PI4KB: variants seen among roughly 807,000 people sequenced by gnomAD.
PI4KB encodes PtdIns 4-kinase beta.
Under a neutral mutation model 81.4 loss-of-function variants are expected in PI4KB, and 23 were observed. The ratio of observed to expected loss-of-function variants is 0.28; its 90% CI spans 0.20 to 0.40. The LOEUF is 0.40. PI4KB is among the 10% of genes least tolerant of loss of function. The pLI, the probability that PI4KB is intolerant of heterozygous loss-of-function variation, is 1.00. For missense variants in PI4KB, 651 were observed against 1,036.6 expected (o/e 0.63, Z 5.11); for synonymous variants, 381 against 406.8 (o/e 0.94, Z 0.76).
At chr1:151,320,041 T>C (rs1648613664) in intron 1 of PI4KB, among the ~76,000 whole-genome samples, 2 of 152,214 alleles carry the variant, frequency 1.3e-5, no homozygotes, top group African/African-American at 4.8e-5. Flanking sequence ...GGTTACTTTT[T>C]TTTTCTTTTT....
chr1:151,323,444 T>C (rs1649139317), intron 1 of PI4KB, among the ~76,000 whole-genome samples: 1 of 148,358 alleles, frequency 6.7e-6, no homozygotes, highest in Admixed American at 6.7e-5. Flanking sequence ...GAGGCGCAGG[T>C]TGCCGTGAGC....
At chr1:151,319,654 T>G (rs1330278165) in intron 1 of PI4KB, among the ~76,000 whole-genome samples, 2 of 152,208 alleles carry the variant, frequency 1.3e-5, no homozygotes, top group Non-Finnish European at 2.9e-5. Flanking sequence ...CCAAAGCCAC[T>G]GCTCTCCAAG....
chr1:151,315,663 C>T lies in PI4KB; in HGVS notation c.819G>A (p.Gln273=). 1 of 1,614,154 alleles carries T rather than the reference C, an allele frequency of 6.2e-7. No homozygotes were observed. The highest frequency in any genetic ancestry group is 8.5e-7 in the Non-Finnish European group (1 of 1,180,014). ...TGLSPSKRTH[Q]RSKSDATASI... ...TGGCAGTGGCATCTGACTTAGAGCG[C>T]TGGTGAGTCCTTTTGGAGGGAGACA... is the stretch of plus-strand genomic sequence containing the variant. Residue 273 remains glutamine, a synonymous_variant, in exon 2 of 12, where the codon CAG becomes CAA. Transcript: ENST00000368873.
At chr1:151,293,790 A>G (rs1694541316) in intron 11 of PI4KB, 1 of 502,692 alleles carries the variant, frequency 2.0e-6, no homozygotes, top group East Asian at 3.8e-5. Flanking sequence ...TAAAGATGCC[A>G]AGGAGGCAGG....
At chr1:151,302,041 A>G (rs1695328864) in intron 7 of PI4KB, 74 bp from the exon 8 acceptor site, 3 of 1,600,514 alleles carry the variant, frequency 1.9e-6, no homozygotes, top group African/African-American at 2.7e-5. Context: ...TCCACAAAAA[A>G]TCCCAAGCAA....
At chr1:151,301,783 C>T (rs587657455) in intron 8 of PI4KB, 61 bp downstream of exon 8, 25 of 1,517,744 alleles carry the variant, frequency 1.6e-5, no homozygotes, top group South Asian at 1.1e-4. Flanking sequence ...CCACCCGCCT[C>T]GGCCTCCCAG....
At chr1:151,317,079 C>T (rs1648075208) in intron 1 of PI4KB, among the ~76,000 whole-genome samples, 1 of 152,100 alleles carries the variant, frequency 6.6e-6, no homozygotes, top group African/African-American at 2.4e-5. Context: ...CCCACCTCGG[C>T]CTCCCAAAGT....
intron 1 of PI4KB, among the ~76,000 whole-genome samples, chr1:151,318,605 G>T (rs1648360959): frequency 6.6e-6 from 1 of 151,196 alleles, no homozygotes; most frequent in South Asian, 2.1e-4. Flanking sequence ...CCAGCTACTT[G>T]GGAGGCTGAG....
At chr1:151,293,176 G>C in intron 11 of PI4KB, 143 bp from the exon 12 acceptor site, 1 of 1,479,234 alleles carries the variant, frequency 6.8e-7, no homozygotes, top group Non-Finnish European at 9.0e-7. Flanking sequence ...AGTTCTGCTT[G>C]GGCAGAGAGA....
chr1:151,314,422 CCTG>C (rs1480383174), intron 2 of PI4KB, among the ~76,000 whole-genome samples: 1 of 152,180 alleles, frequency 6.6e-6, no homozygotes, highest in Non-Finnish European at 1.5e-5. Flanking sequence ...GGCAGCTTTC[CCTG>C]CTATCTGTCC....
chr1:151,316,795 T>C (rs916944857), intron 1 of PI4KB, among the ~76,000 whole-genome samples: 2 of 152,102 alleles, frequency 1.3e-5, no homozygotes, highest in African/African-American at 4.8e-5. Context: ...GTTGTATTTA[T>C]ATAGATTTAC....
intron 2 of PI4KB, among the ~76,000 whole-genome samples, chr1:151,311,616 G>C (rs190798653): frequency 3.3e-5 from 5 of 152,200 alleles, no homozygotes; most frequent in Admixed American, 6.5e-5. Flanking sequence ...GCTGGTTGGA[G>C]AAGGAACAGC....
At chr1:151,314,465 A>G (rs1047487545) in intron 2 of PI4KB, among the ~76,000 whole-genome samples, 7 of 152,134 alleles carry the variant, frequency 4.6e-5, no homozygotes, top group African/African-American at 1.7e-4. Context: ...GGTATAACCT[A>G]TTCATGTGGC....
At chr1:151,297,348 T>A (rs1694889975) in intron 9 of PI4KB, among the ~76,000 whole-genome samples, 1 of 130,558 alleles carries the variant, frequency 7.7e-6, no homozygotes, top group South Asian at 2.6e-4. Context: ...GTTGGCTAGA[T>A]TTTTTTTTTT....
intron 5 of PI4KB, among the ~76,000 whole-genome samples, chr1:151,304,716 T>C (rs1695603135): frequency 6.6e-6 from 1 of 151,334 alleles, no homozygotes; most frequent in Non-Finnish European, 1.5e-5. Context: ...AGTGCAGTGC[T>C]GTGATCTCAG....
chr1:151,305,123 C>T (rs1013102910), intron 5 of PI4KB, among the ~76,000 whole-genome samples: 1 of 152,148 alleles, frequency 6.6e-6, no homozygotes, highest in Admixed American at 6.5e-5. Flanking sequence ...CGCCACCGCA[C>T]CCGGCATAAT....
At chr1:151,302,072 C>T (rs989383536) in intron 7 of PI4KB, 105 bp from the exon 8 acceptor site, 9 of 1,586,534 alleles carry the variant, frequency 5.7e-6, no homozygotes, top group Admixed American at 3.4e-5. Context: ...GGGCAAGGAC[C>T]CAGACAGCCT....
At chr1:151,310,013 G>C (rs1027640836) in intron 3 of PI4KB, among the ~76,000 whole-genome samples, 198 bp downstream of exon 3, 3 of 151,824 alleles carry the variant, frequency 2.0e-5, no homozygotes, top group African/African-American at 7.3e-5. Flanking sequence ...ATCTCAGCCT[G>C]GGCTCAGGAT....
intron 1 of PI4KB, among the ~76,000 whole-genome samples, chr1:151,320,103 G>C (rs944779778): frequency 1.3e-5 from 2 of 152,092 alleles, no homozygotes; most frequent in Non-Finnish European, 2.9e-5. Context: ...GTGCAATCTT[G>C]GCTCACTGCA....
Sources: gnomAD v4.1 joint callset for allele counts (sites outside exome capture counted in the v4.1 genomes callset) on GRCh38, gnomAD v4.1.1 for gene constraint, MANE v1.5 for transcripts, NCBI Gene and HGNC (gene_info 2026-07-23, HGNC 2026-07-21) for gene names.